MYO16: variants seen among roughly 807,000 people sequenced by gnomAD.
MYO16 encodes the protein myosin XVI, also known as unconventional myosin-XVI.
Under a neutral mutation model 205.3 loss-of-function variants are expected in MYO16, and 94 were observed. That is an observed-to-expected ratio of 0.46 (90% confidence interval 0.39 to 0.54). The LOEUF (loss-of-function observed/expected upper bound fraction) is 0.54, where lower values mean the gene tolerates loss of function less well. MYO16 is among the 20% of genes least tolerant of loss of function. The pLI, the probability that MYO16 is intolerant of heterozygous loss-of-function variation, is 0.00. For synonymous variants in MYO16, 988 were observed against 954.0 expected (o/e 1.04, Z -0.66); for missense variants, 2,315 against 2,387.5 (o/e 0.97, Z 0.63).
intron 22 of MYO16, among the ~76,000 whole-genome samples, chr13:109,013,912 A>G (rs1885708637): frequency 6.6e-6 from 1 of 152,144 alleles, no homozygotes; most frequent in South Asian, 2.1e-4. Flanking sequence ...CCCATTCTCT[A>G]GGTTATCTGT....
At chr13:108,683,364 T>C (rs1882542618) in intron 2 of MYO16, among the ~76,000 whole-genome samples, 1 of 152,144 alleles carries the variant, frequency 6.6e-6, no homozygotes, top group African/African-American at 2.4e-5. Context: ...TGTTCTATAG[T>C]AGCCTTTGAC....
chr13:108,978,252 A>G (rs1304492840), intron 20 of MYO16, among the ~76,000 whole-genome samples: 2 of 151,970 alleles, frequency 1.3e-5, no homozygotes, highest in East Asian at 1.9e-4. Context: ...TTTTGTCTTT[A>G]TGTATCTTAC....
At chr13:109,042,315 G>A (rs889832629) in intron 23 of MYO16, among the ~76,000 whole-genome samples, 1 of 152,226 alleles carries the variant, frequency 6.6e-6, no homozygotes, top group African/African-American at 2.4e-5. Flanking sequence ...TTTATGTTGT[G>A]TATTTAAATT....
At chr13:108,948,455 C>T (rs1433692521) in intron 16 of MYO16, among the ~76,000 whole-genome samples, 1 of 152,170 alleles carries the variant, frequency 6.6e-6, no homozygotes, top group East Asian at 1.9e-4. Flanking sequence ...CCCAGCATGC[C>T]TTGGGTACAC....
Position 109,046,812 on chromosome 13 carries a change from A to G in MYO16, c.2797-104A>G, listed in dbSNP as rs567075356. 5 of 915,496 alleles carry G rather than the reference A, an allele frequency of 5.5e-6. No individual in the cohort carries two copies. The African/African-American group carries it at 8.3e-5, about 15-fold the overall frequency. 56.7% of individuals were successfully genotyped at this position (915,496 alleles called of 1,614,324 possible). On this transcript the variant is annotated intron_variant, in intron 23 of 34. Transcript: ENST00000457511. The stretch of plus-strand genomic sequence containing the variant: ...TGTAAGACCTGAAGACACTTCTTTT[A>G]TGAATATTTGAAAACTTCAGCTGGG...
intron 4 of MYO16, among the ~76,000 whole-genome samples, chr13:108,770,601 A>G (rs1885929350): frequency 6.6e-6 from 1 of 152,190 alleles, no homozygotes; most frequent in African/African-American, 2.4e-5. Context: ...GCTCAAAGTT[A>G]CCACCTCATA....
At chr13:108,741,311 C>G (rs75311212) in intron 4 of MYO16, among the ~76,000 whole-genome samples, 6,588 of 152,272 alleles carry the variant, frequency 0.043, 224 homozygotes, top group Non-Finnish European at 0.061. Flanking sequence ...ACATTGAACT[C>G]ATTAAGTGAG....
upstream of MYO16, among the ~76,000 whole-genome samples, chr13:108,595,733 C>A (rs148113735): frequency 0.014 from 2,102 of 152,200 alleles, 16 homozygotes; most frequent in Non-Finnish European, 0.022. Flanking sequence ...TTCTGTCTGC[C>A]CAGCTTCAAC....
intron 4 of MYO16, among the ~76,000 whole-genome samples, chr13:108,776,958 G>A (rs1027452268): frequency 3.9e-5 from 6 of 152,158 alleles, no homozygotes; most frequent in African/African-American, 1.2e-4. Flanking sequence ...GAGCATCACA[G>A]ACACAGAGTC....
intron 27 of MYO16, among the ~76,000 whole-genome samples, chr13:109,085,555 C>T (rs1888413907): frequency 6.6e-6 from 1 of 152,078 alleles, no homozygotes; most frequent in Non-Finnish European, 1.5e-5. Flanking sequence ...CTGTGCTATC[C>T]AGAAGGAAAT....
chr13:108,529,536 A>G, the MYO16 span, among the ~76,000 whole-genome samples: 1 of 152,178 alleles, frequency 6.6e-6, no homozygotes, highest in Non-Finnish European at 1.5e-5. Flanking sequence ...CGCCGTGCAC[A>G]TGAACTAAAA....
rs377219259 is a variant in MYO16, at chr13:109,022,163, A to G, written c.2796+2252A>G. Among the ~76,000 whole-genome samples, 27 of 128,654 alleles carry G rather than the reference A, an allele frequency of 2.1e-4. 2 individuals carry two copies. The highest frequency in any genetic ancestry group is 7.9e-4 in the African/African-American group (24 of 30,348). The allele number at this position is 128,654 out of a possible 152,430, so 84.4% of individuals were successfully genotyped here. A position where few individuals can be genotyped will look rare whatever the true frequency, so the allele number is the denominator to read the frequency against. On this transcript the variant is annotated intron_variant, in intron 23 of 34. Coordinates refer to ENST00000457511, the MANE Select transcript of MYO16 (RefSeq NM_001198950.3). The stretch of plus-strand genomic sequence containing the variant: ...TATATTTATATATACAAATTTATAT[A>G]TACAAATATATATTTATATATTATA...
intron 14 of MYO16, among the ~76,000 whole-genome samples, chr13:108,889,921 T>C (rs1390955668): frequency 2.6e-5 from 4 of 151,970 alleles, no homozygotes; most frequent in African/African-American, 7.3e-5. Context: ...TTTTCACTTA[T>C]TTATTTACTA....
At chr13:108,608,652 A>ATT (rs896661307) in intron 1 of MYO16, among the ~76,000 whole-genome samples, 1 of 24,236 alleles carries the variant, frequency 4.1e-5, no homozygotes, top group African/African-American at 1.1e-4. Flanking sequence ...CCCACAAATG[A>ATT]TTTTTTTTTT....
At chr13:108,750,391 A>G (rs1885193382) in intron 4 of MYO16, among the ~76,000 whole-genome samples, 1 of 152,200 alleles carries the variant, frequency 6.6e-6, no homozygotes, top group Non-Finnish European at 1.5e-5. Flanking sequence ...GCCGATAATG[A>G]GAGGGCTCTG....
chr13:109,066,041 A>G (rs1295883114), intron 27 of MYO16, among the ~76,000 whole-genome samples: 1 of 152,184 alleles, frequency 6.6e-6, no homozygotes, highest in Non-Finnish European at 1.5e-5. Context: ...AGCCCGAACC[A>G]TTTAGCTTGC....
chr13:108,997,246 A>G (rs923681396), intron 21 of MYO16, among the ~76,000 whole-genome samples: 2 of 151,408 alleles, frequency 1.3e-5, no homozygotes, highest in East Asian at 3.9e-4. Flanking sequence ...GTGAGATGGG[A>G]TTGCGCTACT....
chr13:108,918,159 A>G (rs928273369), intron 16 of MYO16, among the ~76,000 whole-genome samples: 4 of 152,230 alleles, frequency 2.6e-5, no homozygotes, highest in Non-Finnish European at 4.4e-5. Flanking sequence ...TAAAATCAGC[A>G]TCTTAACCCT....
At chr13:108,650,012 A>G (rs1418598937) in intron 1 of MYO16, among the ~76,000 whole-genome samples, 9 of 152,230 alleles carry the variant, frequency 5.9e-5, no homozygotes, top group Admixed American at 5.9e-4. Context: ...AAAGAAAAAT[A>G]AAACAGGCAT....
Sources: allele counts gnomAD v4.1 joint callset (sites outside exome capture counted in the v4.1 genomes callset), GRCh38; gene constraint gnomAD v4.1.1; transcripts MANE v1.5; gene names NCBI Gene and HGNC (gene_info 2026-07-23, HGNC 2026-07-21).